VANGL1: variants seen among roughly 807,000 people sequenced by gnomAD.
VANGL1 encodes vang-like protein 1.
A neutral mutation model predicts 48.4 loss-of-function variants in VANGL1; 18 were observed. The ratio of observed to expected loss-of-function variants is 0.37; its 90% confidence interval spans 0.26 to 0.55. VANGL1 has a LOEUF of 0.55. Ranked by LOEUF, VANGL1 falls within the 20% of genes least tolerant of loss-of-function variation. The probability of loss-of-function intolerance (pLI) is 0.81; values close to 1 mark genes in which losing one functional copy is unlikely to be tolerated. For missense variants in VANGL1, 667 were observed against 675.8 expected (o/e 0.99, Z 0.14); for synonymous variants, 257 against 261.8 (o/e 0.98, Z 0.18).
rs1199709201 is a variant in VANGL1 at position 115,685,491 on chromosome 1, C to T, written c.1278C>T (p.His426=). Residue 426 remains histidine, a synonymous_variant, in exon 7 of 8, where the codon CAC becomes CAT. Transcript: ENST00000355485. ...NYHSMESILQ[H]LAFCITNGMT... ...ACAGCATGGAGAGCATCCTGCAGCACCTGGCCTTCTGCATCACCAACGGCA... is the reference window on the plus strand; with the variant it reads ...ACAGCATGGAGAGCATCCTGCAGCATCTGGCCTTCTGCATCACCAACGGCA... 5 of 1,614,124 alleles carry T rather than the reference C, an allele frequency of 3.1e-6. No individual in the cohort carries two copies.
intron 4 of VANGL1, among the ~76,000 whole-genome samples, chr1:115,679,962 C>T (rs1653314832): frequency 6.9e-6 from 1 of 144,176 alleles, no homozygotes; most frequent in African/African-American, 2.6e-5. Context: ...GGGGTGGGAG[C>T]TGAGCTAGGC....
At position 115,673,464 on chromosome 1, in the gene VANGL1, G is replaced by T. The variant is rs537293352; in HGVS notation, c.813-8900G>T. Among the ~76,000 whole-genome samples the T allele has an allele frequency of 2.0e-5, 3 of 152,224 alleles. No individual in the cohort carries two copies. The East Asian group carries it at 5.8e-4, about 29-fold the overall frequency. On this transcript the variant is annotated intron_variant, in intron 4 of 7. Transcript: ENST00000355485. ...TGCTCCCCGCAAAGCCTCTAGGGAA[G>T]AATCCTTCCTTGCCTCTTCCTAGTT...
At chr1:115,665,859 G>C (rs1652759226) in intron 4 of VANGL1, among the ~76,000 whole-genome samples, 1 of 152,196 alleles carries the variant, frequency 6.6e-6, no homozygotes, top group Admixed American at 6.5e-5. Context: ...GCAGAGCCCT[G>C]GACACACCAG....
chr1:115,682,563 A>G lies in VANGL1; in HGVS notation c.946+66A>G. 5 of 1,612,060 alleles carry G rather than the reference A, an allele frequency of 3.1e-6. No individual in the cohort carries two copies. The South Asian group carries it at 3.3e-5, about 11-fold the overall frequency. ...ACAGTTGGGTGACTATTTAAGATTC[A>G]TGGTACGTTTGGTTCGACTTCTTCT... On this transcript the variant is annotated intron_variant, in intron 5 of 7. Transcript: ENST00000355485.
chr1:115,649,200 G>A (rs1202177943), intron 1 of VANGL1, among the ~76,000 whole-genome samples: 2 of 152,188 alleles, frequency 1.3e-5, no homozygotes, highest in African/African-American at 4.8e-5. Flanking sequence ...AGCCCTTGAA[G>A]TCTTCTAGGA....
rs775075491 is a variant in VANGL1 at position 115,691,230 on chromosome 1, C to A, written c.1426C>A (p.Arg476=). Residue 476 remains arginine (R), a synonymous_variant, in exon 8 of 8, where the codon CGG becomes AGG. Transcript: ENST00000355485. ...TGATGAGGCTGTGACTAATGGATTA[C>A]GGGATGGAATTGTGTTCGTCCTTAA... ...VSDEAVTNGL[R]DGIVFVLKCL... 5.6e-6 allele frequency: 9 copies of A among 1,613,938 alleles called. No individual in the cohort carries two copies. Among genetic ancestry groups the A allele is most frequent in the Non-Finnish European group, 7.6e-6 (9 of 1,180,030 alleles).
rs772549096 is a variant in VANGL1 at position 115,692,511 on chromosome 1, C to G, written c.*1132C>G. The stretch of plus-strand genomic sequence containing the variant: ...AACTCATCGCCTCTGCCACTTAGGA[C>G]CAGGAAAGAGGCTGGTTTTGCTCCC... On this transcript the variant is annotated 3_prime_UTR_variant, in exon 8 of 8. Coordinates refer to ENST00000355485, the MANE Select transcript of VANGL1 (RefSeq NM_138959.3). The G allele has an allele frequency of 6.6e-6, 1 of 152,666 alleles. No individual in the cohort carries two copies. Among genetic ancestry groups the G allele is most frequent in the African/African-American group, 2.4e-5 (1 of 41,422 alleles). 9.5% of individuals were successfully genotyped at this position (152,666 alleles called of 1,614,324 possible). A position where few individuals can be genotyped will look rare whatever the true frequency, so the allele number is the denominator to read the frequency against.
chr1:115,685,727 G>A (rs532046420), intron 7 of VANGL1, among the ~76,000 whole-genome samples, 200 bp downstream of exon 7: 104 of 152,220 alleles, frequency 6.8e-4, no homozygotes, highest in African/African-American at 2.4e-3. Flanking sequence ...AAGGCCTCTG[G>A]ATTCTAACAG....
chr1:115,688,025 T>G lies in VANGL1; in HGVS notation c.1314+2498T>G, dbSNP rs1028111752. 6.9e-5 allele frequency among the ~76,000 whole-genome samples: 9 copies of G among 129,876 alleles called. 1 individual carries two copies. The highest frequency in any genetic ancestry group is 3.9e-3 in the Middle Eastern group (1 of 254). 85.2% of individuals were successfully genotyped at this position (129,876 alleles called of 152,430 possible). Reference sequence around the variant, plus strand: ...AGATACATAGATAGATACATAGATATATACATAGATAGATAGATAGCCTAT... The same window carrying G: ...AGATACATAGATAGATACATAGATAGATACATAGATAGATAGATAGCCTAT... On this transcript the variant is annotated intron_variant, in intron 7 of 7. Coordinates refer to ENST00000355485, the MANE Select transcript of VANGL1 (RefSeq NM_138959.3).
At position 115,682,415 on chromosome 1, in the gene VANGL1, C is replaced by T; in HGVS notation, c.864C>T (p.Thr288=). 1 of 1,614,128 alleles carries T rather than the reference C, an allele frequency of 6.2e-7. No homozygotes were observed. The highest frequency in any genetic ancestry group is 8.5e-7 in the Non-Finnish European group (1 of 1,180,024). ...TAGAAAATTACTACAAAGATTTCACCATCTATAACCCAAACCTCCTAACAG... is the reference window on the plus strand; with the variant it reads ...TAGAAAATTACTACAAAGATTTCACTATCTATAACCCAAACCTCCTAACAG... ...VVLENYYKDF[T]IYNPNLLTAS... The change falls in exon 5 of 8, where the codon ACC becomes ACT. Residue 288 remains threonine, a synonymous_variant. Transcript: ENST00000355485.
intron 1 of VANGL1, among the ~76,000 whole-genome samples, chr1:115,651,020 G>A (rs1015333149): frequency 2.0e-5 from 3 of 152,072 alleles, no homozygotes; most frequent in Admixed American, 6.5e-5. Context: ...TCCTGAGGAC[G>A]TGGACAAGTG....
At chr1:115,675,822 G>A (rs534540493) in intron 4 of VANGL1, among the ~76,000 whole-genome samples, 2 of 152,064 alleles carry the variant, frequency 1.3e-5, no homozygotes, top group Non-Finnish European at 2.9e-5. Flanking sequence ...AAAACAATTG[G>A]TATATGGATT....
chr1:115,658,391 G>A (rs1652421791), intron 2 of VANGL1, among the ~76,000 whole-genome samples: 1 of 152,334 alleles, frequency 6.6e-6, no homozygotes, highest in Non-Finnish European at 1.5e-5. Flanking sequence ...CTGGCTAATA[G>A]TAATAGCAAT....
Position 115,684,000 on chromosome 1 carries a change from C to G in VANGL1, c.1003C>G (p.Arg335Gly), listed in dbSNP as rs756191375. Residue 335 changes from arginine to glycine, a missense_variant, in exon 6 of 8, where the codon CGC becomes GGC. By Grantham distance (125) the Arg-to-Gly change is moderately radical. Coordinates refer to ENST00000355485, the MANE Select transcript of VANGL1 (RefSeq NM_138959.3). ...GGCCATGATTGCTGCAGCTGCTCGGCGCAGGGACTCAAGCCACAACGAGTT... is the reference window on the plus strand; with the variant it reads ...GGCCATGATTGCTGCAGCTGCTCGGGGCAGGGACTCAAGCCACAACGAGTT... ...SRAMIAAAAR[R>G]RDSSHNELYY... The G allele has an allele frequency of 3.7e-6, 6 of 1,613,922 alleles. No individual in the cohort carries two copies. In the South Asian group the frequency reaches 6.6e-5, roughly 18 times the overall value.
At chr1:115,673,509 C>G (rs1653056182) in intron 4 of VANGL1, among the ~76,000 whole-genome samples, 2 of 151,930 alleles carry the variant, frequency 1.3e-5, no homozygotes, top group Non-Finnish European at 2.9e-5. Flanking sequence ...TGCTGGCAAC[C>G]CTTCGTGTTC....
In VANGL1 at chr1:115,651,303, C is replaced by G; in HGVS notation, c.-111C>G. 2.3e-6 allele frequency: 2 copies of G among 883,460 alleles called. No homozygotes were observed. Among genetic ancestry groups the G allele is most frequent in the Admixed American group, 2.0e-5 (1 of 49,002 alleles). 54.7% of individuals were successfully genotyped at this position (883,460 alleles called of 1,614,324 possible). On this transcript the variant is annotated 5_prime_UTR_variant, in exon 2 of 8. Coordinates refer to ENST00000355485, the MANE Select transcript of VANGL1 (RefSeq NM_138959.3). ...ATTTGTTCCTGTTGAAGAGTGGCTC[C>G]TCTTCTAATTTCCAGACTCCTTGAG... is the stretch of plus-strand genomic sequence containing the variant.
intron 4 of VANGL1, among the ~76,000 whole-genome samples, chr1:115,681,392 CAT>C (rs1459229954): frequency 6.6e-6 from 1 of 151,874 alleles, no homozygotes; most frequent in Non-Finnish European, 1.5e-5. Context: ...AATATCGGAA[CAT>C]AGATAGTCAC....
Position 115,691,267 on chromosome 1 carries a change from T to G in VANGL1, c.1463T>G (p.Phe488Cys). The part of the protein sequence containing the change: ...GIVFVLKCLD[F>C]SLVVNVKKIP... ...GTGTTCGTCCTTAAGTGCTTGGACTTCAGCCTCGTAGTCAATGTGAAGAAA... is the reference window on the plus strand; with the variant it reads ...GTGTTCGTCCTTAAGTGCTTGGACTGCAGCCTCGTAGTCAATGTGAAGAAA... The change falls in exon 8 of 8, where the codon TTC becomes TGC. Residue 488 changes from phenylalanine (F) to cysteine (C), a missense_variant. Coordinates refer to ENST00000355485, the MANE Select transcript of VANGL1 (RefSeq NM_138959.3). The G allele has an allele frequency of 6.2e-7, 1 of 1,614,194 alleles. No homozygotes were observed. The highest frequency in any genetic ancestry group is 8.5e-7 in the Non-Finnish European group (1 of 1,180,042).
intron 4 of VANGL1, among the ~76,000 whole-genome samples, chr1:115,673,894 C>T (rs1186209353): frequency 6.6e-6 from 1 of 152,136 alleles, no homozygotes; most frequent in Non-Finnish European, 1.5e-5. Flanking sequence ...GCCAAAGAGG[C>T]CTGGCCACCT....
Sources: gnomAD v4.1 joint callset for allele counts (sites outside exome capture counted in the v4.1 genomes callset) on GRCh38, gnomAD v4.1.1 for gene constraint, MANE v1.5 for transcripts, NCBI Gene and HGNC (gene_info 2026-07-23, HGNC 2026-07-21) for gene names.